SLC13A4: variants seen among roughly 807,000 people sequenced by gnomAD.
The protein encoded by SLC13A4 is solute carrier family 13 member 4.
Under a neutral mutation model 72.7 loss-of-function variants are expected in SLC13A4, and 28 were observed. The ratio of observed to expected loss-of-function variants is 0.39; its 90% CI spans 0.29 to 0.53. SLC13A4 has a LOEUF of 0.53. Ranked by LOEUF, SLC13A4 falls within the 20% of genes least tolerant of loss-of-function variation. The probability of loss-of-function intolerance (pLI) is 0.78; values close to 1 mark genes in which losing one functional copy is unlikely to be tolerated. For synonymous variants in SLC13A4, 312 were observed against 325.5 expected (o/e 0.96, Z 0.45); for missense variants, 653 against 788.0 (o/e 0.83, Z 2.05).
chr7:135,718,325 C>A (rs1404445989), intron 2 of SLC13A4, among the ~76,000 whole-genome samples: 1 of 152,114 alleles, frequency 6.6e-6, no homozygotes, highest in Non-Finnish European at 1.5e-5. Context: ...CATGAGGGAA[C>A]CCAGCCACAG....
Position 135,684,352 on chromosome 7 carries a change from G to A in SLC13A4, c.1609-91C>T. ...GAGCATGCTTTAATGATGACTTGGT[G>A]CTGGCTAACCTTAGCAGGACACTAT... On this transcript the variant is annotated intron_variant, in intron 14 of 15. Transcript: ENST00000682651. 4.1e-6 allele frequency: 6 copies of A among 1,471,184 alleles called. No individual in the cohort carries two copies. In the South Asian group the frequency reaches 6.8e-5, roughly 17 times the overall value. The allele number at this position is 1,471,184 out of a possible 1,614,324, so 91.1% of individuals were successfully genotyped here. A position where few individuals can be genotyped will look rare whatever the true frequency, so the allele number is the denominator to read the frequency against.
intron 2 of SLC13A4, among the ~76,000 whole-genome samples, chr7:135,717,959 G>A (rs1180298955): frequency 6.6e-6 from 1 of 152,032 alleles, no homozygotes; most frequent in African/African-American, 2.4e-5. Context: ...CTGGTTCTTA[G>A]GCCTTTGGAC....
chr7:135,685,619 G>C lies in SLC13A4; in HGVS notation c.1511C>G (p.Ala504Gly). 1.2e-6 allele frequency: 2 copies of C among 1,614,212 alleles called. No individual in the cohort carries two copies. Among genetic ancestry groups the C allele is most frequent in the Non-Finnish European group, 1.7e-6 (2 of 1,180,004 alleles). ...MLSLSSLPPW[A>G]VTLLACILVS... ...GAGGATGCATGCCAGCAGGGTGACA[G>C]CCCACGGTGGGAGGCTGCTCAGGGA... The change falls in exon 14 of 16, where the codon GCT becomes GGT. Residue 504 changes from alanine (A) to glycine (G), a missense_variant. Physicochemically the swap from Ala to Gly is moderately conservative, Grantham distance 60 (BLOSUM62 0). Transcript: ENST00000682651.
chr7:135,716,498 G>C (rs1008253615), intron 2 of SLC13A4, among the ~76,000 whole-genome samples: 1 of 152,158 alleles, frequency 6.6e-6, no homozygotes, highest in African/African-American at 2.4e-5. Context: ...ATTTTTAGTA[G>C]AGATGGGTTT....
At chr7:135,698,253 G>A (rs1299730690) in intron 8 of SLC13A4, among the ~76,000 whole-genome samples, 2 of 150,820 alleles carry the variant, frequency 1.3e-5, no homozygotes, top group Admixed American at 1.3e-4. Context: ...GGCTGGTCTC[G>A]AACTCCTGAC....
chr7:135,688,567 A>T (rs1256386639), intron 13 of SLC13A4, among the ~76,000 whole-genome samples: 1 of 152,116 alleles, frequency 6.6e-6, no homozygotes, highest in African/African-American at 2.4e-5. Context: ...TAGTAAAGTG[A>T]AATAATTTAT....
At chr7:135,685,158 C>T (rs1795592896) in intron 14 of SLC13A4, among the ~76,000 whole-genome samples, 1 of 151,998 alleles carries the variant, frequency 6.6e-6, no homozygotes, top group Admixed American at 6.6e-5. Context: ...CCTCTTTGGC[C>T]CTACTCAGGT....
At position 135,691,253 on chromosome 7, in the gene SLC13A4, C is replaced by T. The variant is rs1584718711; in HGVS notation, c.1394G>A (p.Trp465Ter). ...TWKDFQKTMPWEIVILVGGGY... is the reference protein window; with the variant it reads ...TWKDFQKTMP ...TCCCCCAACCAGAATGACAATCTCC[C>T]AGGGCATGGTCTTCTGGAAGTCCTT... is the stretch of plus-strand genomic sequence containing the variant. Residue 465 changes from tryptophan (W) to a stop codon, truncating the protein, a stop_gained, in exon 13 of 16, where the codon TGG becomes TAG. Coordinates refer to ENST00000682651, the MANE Select transcript of SLC13A4 (RefSeq NM_001318192.2). LOFTEE classifies it high-confidence loss of function. 1 of 1,613,582 alleles carries T rather than the reference C, an allele frequency of 6.2e-7. No homozygotes were observed.
intron 2 of SLC13A4, among the ~76,000 whole-genome samples, chr7:135,719,164 A>T (rs551403710): frequency 4.0e-4 from 61 of 152,182 alleles, no homozygotes; most frequent in Admixed American, 1.2e-3. Flanking sequence ...TTTCTCACAG[A>T]GTCCTGTTAC....
At chr7:135,688,747 ACT>A (rs971362091) in intron 13 of SLC13A4, among the ~76,000 whole-genome samples, 2 of 152,188 alleles carry the variant, frequency 1.3e-5, no homozygotes, top group African/African-American at 4.8e-5. Context: ...ATTATTTCAA[ACT>A]CTGTAGGAAT....
At position 135,681,501 on chromosome 7, in the gene SLC13A4, G is replaced by T; in HGVS notation, c.*62C>A. On this transcript the variant is annotated 3_prime_UTR_variant, in exon 16 of 16. Transcript: ENST00000682651. ...GTGGTCCTAGTGGTTTTCTTTGCCTGTGGTCCAGATACTGCTGGATACTGG... is the reference window on the plus strand; with the variant it reads ...GTGGTCCTAGTGGTTTTCTTTGCCTTTGGTCCAGATACTGCTGGATACTGG... 6.4e-7 allele frequency: 1 copy of T among 1,564,700 alleles called. No individual in the cohort carries two copies. Among genetic ancestry groups the T allele is most frequent in the Non-Finnish European group, 8.7e-7 (1 of 1,150,704 alleles).
In SLC13A4 at chr7:135,692,291, G is replaced by A. The variant is rs530737847; in HGVS notation, c.1223+32C>T. 22 of 1,469,090 alleles carry A rather than the reference G, an allele frequency of 1.5e-5. No homozygotes were observed. The East Asian group carries it at 5.0e-4, about 33-fold the overall frequency. The allele number at this position is 1,469,090 out of a possible 1,614,324, so 91.0% of individuals were successfully genotyped here. On this transcript the variant is annotated intron_variant, in intron 11 of 15. Coordinates refer to ENST00000682651, the MANE Select transcript of SLC13A4 (RefSeq NM_001318192.2). Reference sequence around the variant, plus strand: ...TTGCCTGAAGAATTGGGGTGAGGGGGTTGTTCTTAAGGAGGAAATGATATC... The same window carrying A: ...TTGCCTGAAGAATTGGGGTGAGGGGATTGTTCTTAAGGAGGAAATGATATC...
At chr7:135,718,168 G>C (rs1163481149) in intron 2 of SLC13A4, among the ~76,000 whole-genome samples, 1 of 151,886 alleles carries the variant, frequency 6.6e-6, no homozygotes, top group Admixed American at 6.6e-5. Flanking sequence ...TCCAGCTTCA[G>C]ACAGTGAGAG....
At chr7:135,709,791 T>C (rs2129494935) in intron 2 of SLC13A4, among the ~76,000 whole-genome samples, 1 of 152,322 alleles carries the variant, frequency 6.6e-6, no homozygotes, top group Non-Finnish European at 1.5e-5. Context: ...CTTGTGGCCC[T>C]AGCCTCTGAT....
In SLC13A4 at chr7:135,691,614, C is replaced by G; in HGVS notation, c.1255G>C (p.Val419Leu). The change falls in exon 12 of 16, where the codon GTC (valine) becomes CTC (leucine). Residue 419 changes from valine to leucine, a missense_variant. Coordinates refer to ENST00000682651, the MANE Select transcript of SLC13A4 (RefSeq NM_001318192.2). The part of the protein sequence containing the change: ...KGYRTDATVS[V>L]FLGFLLFLIP... ...AGGAAGAGGAGGAAGCCAAGGAAGACAGAGACTGTGGCATCAGTACGGTAG... is the reference window on the plus strand; with the variant it reads ...AGGAAGAGGAGGAAGCCAAGGAAGAGAGAGACTGTGGCATCAGTACGGTAG... 6.2e-7 allele frequency: 1 copy of G among 1,613,878 alleles called. No individual in the cohort carries two copies. The highest frequency in any genetic ancestry group is 1.6e-4 in the Middle Eastern group (1 of 6,062).
intron 13 of SLC13A4, among the ~76,000 whole-genome samples, chr7:135,686,914 A>G (rs901116405): frequency 6.6e-6 from 1 of 152,048 alleles, no homozygotes; most frequent in South Asian, 2.1e-4. Flanking sequence ...AAAATTAGCT[A>G]GGTGTGGTGG....
intron 1 of SLC13A4, among the ~76,000 whole-genome samples, chr7:135,726,987 A>G (rs992259021): frequency 6.6e-6 from 1 of 152,044 alleles, no homozygotes; most frequent in African/African-American, 2.4e-5. Flanking sequence ...CACTATTGGG[A>G]GCTCTTTCTG....
chr7:135,684,966 GC>G (rs1795588183), intron 14 of SLC13A4, among the ~76,000 whole-genome samples: 1 of 152,154 alleles, frequency 6.6e-6, no homozygotes, highest in African/African-American at 2.4e-5. Context: ...TCTGGCCGTT[GC>G]TCCCCTCCCT....
chr7:135,712,936 A>G (rs1037670849), intron 2 of SLC13A4, among the ~76,000 whole-genome samples: 5 of 152,082 alleles, frequency 3.3e-5, no homozygotes, highest in African/African-American at 1.2e-4. Flanking sequence ...TCTCCCCATC[A>G]TAGCCTCTGC....
Sources: allele counts gnomAD v4.1 joint callset (sites outside exome capture counted in the v4.1 genomes callset), GRCh38; gene constraint gnomAD v4.1.1; transcripts MANE v1.5; gene names NCBI Gene and HGNC (gene_info 2026-07-23, HGNC 2026-07-21).